WASL: variants seen among roughly 807,000 people sequenced by gnomAD.
The protein encoded by WASL is WASP like actin nucleation promoting factor, also known as actin nucleation-promoting factor WASL.
WASL carries 20 observed loss-of-function variants against 55.5 expected under a neutral mutation model. The observed-to-expected ratio is 0.36, with a 90% CI of 0.25 to 0.52. The LOEUF (loss-of-function observed/expected upper bound fraction) is 0.52, where lower values mean the gene tolerates loss of function less well. WASL is among the 20% of genes least tolerant of loss of function. WASL has a pLI of 0.92. For missense variants in WASL, 504 were observed against 622.5 expected (o/e 0.81, Z 2.03); for synonymous variants, 249 against 217.6 (o/e 1.14, Z -1.27).
At chr7:123,695,751 TA>T in intron 7 of WASL, 71 bp downstream of exon 7, 2 of 1,499,616 alleles carry the variant, frequency 1.3e-6, no homozygotes, top group South Asian at 1.2e-5. Context: ...AAAATGAATT[TA>T]AAAAAATCTA....
chr7:123,706,216 C>A (rs1803666741), intron 4 of WASL, 61 bp downstream of exon 4: 3 of 1,439,716 alleles, frequency 2.1e-6, no homozygotes, highest in Non-Finnish European at 1.9e-6. Flanking sequence ...AGGAAATGGA[C>A]CACACTTGCC....
chr7:123,711,688 CTTAA>C (rs907540951), intron 1 of WASL, among the ~76,000 whole-genome samples: 28 of 152,140 alleles, frequency 1.8e-4, no homozygotes, highest in South Asian at 4.1e-4. Flanking sequence ...TTGACAGTGA[CTTAA>C]TTAAGTTTTT....
At chr7:123,740,859 T>G (rs1207039582) in intron 1 of WASL, among the ~76,000 whole-genome samples, 1 of 152,186 alleles carries the variant, frequency 6.6e-6, no homozygotes, top group Non-Finnish European at 1.5e-5. Context: ...GCGCTGCGAT[T>G]AAAGGTGTGA....
At chr7:123,724,247 A>C (rs1025058599) in intron 1 of WASL, among the ~76,000 whole-genome samples, 1 of 152,226 alleles carries the variant, frequency 6.6e-6, no homozygotes, top group Admixed American at 6.5e-5. Flanking sequence ...CAACACTTTG[A>C]CACTATCTTG....
At position 123,738,208 on chromosome 7, in the gene WASL, ATATAT is replaced by A. The variant is rs199505593; in HGVS notation, c.117+10405_117+10409del. 1.3e-4 allele frequency among the ~76,000 whole-genome samples: 20 copies of A among 152,304 alleles called. No individual in the cohort carries two copies. The East Asian group carries it at 3.7e-3, about 28-fold the overall frequency. On this transcript the variant is annotated intron_variant, in intron 1 of 10. Coordinates refer to ENST00000223023, the MANE Select transcript of WASL (RefSeq NM_003941.4). The stretch of plus-strand genomic sequence containing the variant: ...AAATATAACTTGATATAAGGCAGTA[ATATAT>A]TAATAAAAAGGATGCAACAGATATA...
intron 9 of WASL, among the ~76,000 whole-genome samples, chr7:123,690,838 AC>A (rs1172895948): frequency 6.6e-6 from 1 of 152,214 alleles, no homozygotes; most frequent in Admixed American, 6.5e-5. Context: ...AGTGAGAGTT[AC>A]GGGAATGAGA....
intron 5 of WASL, among the ~76,000 whole-genome samples, chr7:123,702,341 C>T (rs1351186178): frequency 6.6e-6 from 1 of 152,182 alleles, no homozygotes. Flanking sequence ...CAGGCGAGAG[C>T]CACCGCGCCC....
At position 123,684,524 on chromosome 7, in the gene WASL, C is replaced by A. The variant is rs759189123; in HGVS notation, c.1513G>T (p.Asp505Tyr). The change falls in exon 11 of 11, where the codon GAC becomes TAC. Residue 505 changes from aspartate to tyrosine, a missense_variant. By Grantham distance (160) the Asp-to-Tyr change is radical (BLOSUM62 -3). Transcript: ENST00000223023. ...EDFEDDDEWE[D>Y] is the part of the protein sequence containing the mutation. ...ATATATATATAATATATAGATCAGTCTTCCCACTCATCATCATCCTCAAAA... is the reference window on the plus strand; with the variant it reads ...ATATATATATAATATATAGATCAGTATTCCCACTCATCATCATCCTCAAAA... The A allele has an allele frequency of 3.1e-6, 3 of 962,018 alleles. No homozygotes were observed. The South Asian group carries it at 4.4e-5, about 14-fold the overall frequency. The allele number at this position is 962,018 out of a possible 1,614,324, so 59.6% of individuals were successfully genotyped here.
chr7:123,702,495 C>A (rs1803608063), intron 5 of WASL, among the ~76,000 whole-genome samples: 1 of 152,152 alleles, frequency 6.6e-6, no homozygotes, highest in African/African-American at 2.4e-5. Context: ...TATAAATGTT[C>A]AGCCCTCCAT....
chr7:123,701,290 G>C (rs1277103320), intron 5 of WASL, among the ~76,000 whole-genome samples: 2 of 152,142 alleles, frequency 1.3e-5, no homozygotes, highest in African/African-American at 4.8e-5. Context: ...TTCTGATTAA[G>C]GATAACTGTT....
At position 123,748,640 on chromosome 7, in the gene WASL, G is replaced by A. The variant is rs200236916; in HGVS notation, c.95C>T (p.Thr32Ile). Residue 32 changes from threonine to isoleucine, a missense_variant, in exon 1 of 11, where the codon ACT (threonine) becomes ATT (isoleucine). Thr to Ile is a moderately conservative substitution (Grantham distance 89). This residue lies in a region of WASL where 230 missense variants were observed against 271.9 expected (regional missense o/e 0.85). Transcript: ENST00000223023. ...LTPQENESLF[T>I]FLGKKCVTMS... ...GACCACACATTTCTTGCCGAGGAAA[G>A]TGAAGAGGGACTCGTTCTCCTGCGG... 3.3e-5 allele frequency: 54 copies of A among 1,613,508 alleles called. No individual in the cohort carries two copies. The highest frequency in any genetic ancestry group is 1.2e-5 in the Non-Finnish European group (14 of 1,179,798).
rs778448757 is a variant in WASL at position 123,695,859 on chromosome 7, A to G, written c.636T>C (p.Ile212=). 3.7e-6 allele frequency: 6 copies of G among 1,612,652 alleles called. No individual in the cohort carries two copies. The highest frequency in any genetic ancestry group is 3.3e-5 in the South Asian group (3 of 91,008). Residue 212 remains isoleucine, a synonymous_variant, in exon 7 of 11, where the codon ATT becomes ATC. Coordinates refer to ENST00000223023, the MANE Select transcript of WASL (RefSeq NM_003941.4). ...DIGTPSNFQH[I]GHVGWDPNTG... The stretch of plus-strand genomic sequence containing the variant: ...TATTTGGATCCCAACCAACATGTCC[A>G]ATGTGCCTGAAGTAGAAAATAGAAA...
At chr7:123,711,196 C>G (rs1239228846) in intron 1 of WASL, among the ~76,000 whole-genome samples, 1 of 151,532 alleles carries the variant, frequency 6.6e-6, no homozygotes, top group East Asian at 1.9e-4. Flanking sequence ...CCTTGCTAGC[C>G]AAAGGACTAA....
chr7:123,722,818 A>C (rs11765478), intron 1 of WASL, among the ~76,000 whole-genome samples: 69,085 of 151,962 alleles, frequency 0.45, 15,980 homozygotes, highest in South Asian at 0.66. Context: ...ATAACAACAA[A>C]AATAATAATA....
At chr7:123,709,632 T>G (rs1300479950) in intron 1 of WASL, among the ~76,000 whole-genome samples, 1 of 152,140 alleles carries the variant, frequency 6.6e-6, no homozygotes, top group Non-Finnish European at 1.5e-5. Flanking sequence ...TCCAGGCAAT[T>G]TGTGACTTCA....
At chr7:123,708,776 A>T (rs1467839407) in intron 2 of WASL, among the ~76,000 whole-genome samples, 4 of 152,050 alleles carry the variant, frequency 2.6e-5, no homozygotes, top group Non-Finnish European at 5.9e-5. Flanking sequence ...GGAATAAAAG[A>T]GTTTCATTAA....
In WASL at chr7:123,684,552, T is replaced by C; in HGVS notation, c.1485A>G (p.Glu495=). The C allele has an allele frequency of 7.2e-7, 1 of 1,380,858 alleles. No individual in the cohort carries two copies. The highest frequency in any genetic ancestry group is 1.0e-6 in the Non-Finnish European group (1 of 998,336). 85.5% of individuals were successfully genotyped at this position (1,380,858 alleles called of 1,614,324 possible). Residue 495 remains glutamate (E), a synonymous_variant, in exon 11 of 11, where the codon GAA becomes GAG. Transcript: ENST00000223023. ...SDEDEDEDDE[E]DFEDDDEWED is the part of the protein sequence containing the mutation. ...CCCACTCATCATCATCCTCAAAATCTTCTTCATCATCTTCATCTTCATCTT... is the reference window on the plus strand; with the variant it reads ...CCCACTCATCATCATCCTCAAAATCCTCTTCATCATCTTCATCTTCATCTT...
chr7:123,714,473 A>T (rs1264645112), intron 1 of WASL, among the ~76,000 whole-genome samples: 3 of 152,222 alleles, frequency 2.0e-5, no homozygotes, highest in African/African-American at 7.2e-5. Context: ...AAAACCACAA[A>T]AGCATAAAAT....
Position 123,729,693 on chromosome 7 carries a change from T to C in WASL, c.117+18925A>G, listed in dbSNP as rs184659708. ...TATGTGGGTGTACACATGAAGCCAA[T>C]TTCTAATTTCCAGATTTTCTAACAG... is the stretch of plus-strand genomic sequence containing the variant. On this transcript the variant is annotated intron_variant, in intron 1 of 10. Transcript: ENST00000223023. 1.8e-3 allele frequency among the ~76,000 whole-genome samples: 273 copies of C among 152,304 alleles called. 2 individuals carry two copies. Among genetic ancestry groups the C allele is most frequent in the South Asian group, 5.2e-3 (25 of 4,826 alleles).
Sources: allele counts gnomAD v4.1 joint callset (sites outside exome capture counted in the v4.1 genomes callset), GRCh38; gene constraint gnomAD v4.1.1; regional missense constraint gnomAD v4.1.1; transcripts MANE v1.5; gene names NCBI Gene and HGNC (gene_info 2026-07-23, HGNC 2026-07-21).